The following C15orf61 variants were observed in gnomAD, a reference collection of about 807,000 sequenced individuals.
C15orf61 encodes chromosome 15 open reading frame 61.
In C15orf61, 12 loss-of-function variants were observed where a neutral mutation model predicts 13.7. The ratio of observed to expected loss-of-function variants is 0.88; its 90% CI spans 0.56 to 1.42. C15orf61 has a LOEUF of 1.42. Ranked by LOEUF, C15orf61 falls within the 40% of genes most tolerant of loss-of-function variation. C15orf61 has a pLI of 0.00. For synonymous variants in C15orf61, 92 were observed against 94.1 expected (o/e 0.98, Z 0.13); for missense variants, 248 against 213.2 (o/e 1.16, Z -1.02).
At chr15:67,522,255 A>G (rs1490447555) in intron 1 of C15orf61, 1 of 700,356 alleles carries the variant, frequency 1.4e-6, no homozygotes, top group African/African-American at 1.7e-5. Context: ...ACGAACATGG[A>G]CATGGGTGTA....
chr15:67,529,044 T>G lies in C15orf61; in HGVS notation c.*2499T>G, dbSNP rs891117759. 6.6e-6 allele frequency: 1 copy of G among 152,250 alleles called. No individual in the cohort carries two copies. The highest frequency in any genetic ancestry group is 2.4e-5 in the African/African-American group (1 of 41,462). The allele number at this position is 152,250 out of a possible 1,614,324, so 9.4% of individuals were successfully genotyped here. A position where few individuals can be genotyped will look rare whatever the true frequency, so the allele number is the denominator to read the frequency against. On this transcript the variant is annotated 3_prime_UTR_variant, in exon 2 of 2. Transcript: ENST00000342683. The surrounding 1 kb of genome is among the most constrained non-coding windows in gnomAD (Gnocchi z 4.4). ...TTCTGCATATCAGTAGTTTTCTTAA[T>G]TGGTGAAACCACTGATTAGCTTTTC...
At chr15:67,523,521 G>C (rs1414811446) in intron 1 of C15orf61, among the ~76,000 whole-genome samples, 2 of 152,108 alleles carry the variant, frequency 1.3e-5, no homozygotes, top group Non-Finnish European at 2.9e-5. Flanking sequence ...TAGGTATCCT[G>C]CTGAGAAGTA....
rs1484287611 is a variant in C15orf61, at chr15:67,526,713, C to T, written c.*168C>T. 6 of 571,198 alleles carry T rather than the reference C, an allele frequency of 1.1e-5. No homozygotes were observed. Among genetic ancestry groups the T allele is most frequent in the Admixed American group, 7.7e-5 (2 of 25,896 alleles). The allele number at this position is 571,198 out of a possible 1,614,324, so 35.4% of individuals were successfully genotyped here. ...TCAAGAGGTGAAGCTTTTTATACATCGTTATATATTACATACTCTGTTTAG... is the reference window on the plus strand; with the variant it reads ...TCAAGAGGTGAAGCTTTTTATACATTGTTATATATTACATACTCTGTTTAG... On this transcript the variant is annotated 3_prime_UTR_variant, in exon 2 of 2. Transcript: ENST00000342683.
chr15:67,523,761 A>G (rs1478127024), intron 1 of C15orf61, among the ~76,000 whole-genome samples: 1 of 152,222 alleles, frequency 6.6e-6, no homozygotes, highest in Non-Finnish European at 1.5e-5. Flanking sequence ...ATAGACTTCA[A>G]AGCATGTGTG....
chr15:67,521,737 G>C lies in C15orf61; in HGVS notation c.346+143G>C, dbSNP rs1186230315. On this transcript the variant is annotated intron_variant, in intron 1 of 1. Coordinates refer to ENST00000342683, the MANE Select transcript of C15orf61 (RefSeq NM_001143936.2). The stretch of plus-strand genomic sequence containing the variant: ...CCTCCCGGCGCCGGCTTCGCCTGGG[G>C]TCCTTTGTACTCCTCGCCCAGGGGG... 3 of 895,244 alleles carry C rather than the reference G, an allele frequency of 3.4e-6. No individual in the cohort carries two copies. In the Admixed American group the frequency reaches 8.8e-5, roughly 26 times the overall value. The allele number at this position is 895,244 out of a possible 1,614,324, so 55.5% of individuals were successfully genotyped here. A position where few individuals can be genotyped will look rare whatever the true frequency, so the allele number is the denominator to read the frequency against.
intron 1 of C15orf61, 100 bp downstream of exon 1, chr15:67,521,694 C>G: frequency 2.5e-6 from 3 of 1,200,618 alleles, no homozygotes; most frequent in Non-Finnish European, 3.4e-6. Flanking sequence ...CGGTAGAGTC[C>G]CGCGGGAGTC....
At position 67,526,632 on chromosome 15, in the gene C15orf61, T is replaced by C. The variant is rs1227956964; in HGVS notation, c.*87T>C. 5.5e-6 allele frequency: 7 copies of C among 1,281,064 alleles called. No individual in the cohort carries two copies. Among genetic ancestry groups the C allele is most frequent in the Non-Finnish European group, 7.2e-6 (7 of 976,502 alleles). 79.4% of individuals were successfully genotyped at this position (1,281,064 alleles called of 1,614,324 possible). ...TTTTTGATCCTTTAAAATAAAACTT[T>C]TGCAAATACTTTTTTCTTTCTACAG... On this transcript the variant is annotated 3_prime_UTR_variant, in exon 2 of 2. Transcript: ENST00000342683.
At chr15:67,524,837 G>GTTTTTTTTTTTTTTT (rs374398669) in intron 1 of C15orf61, among the ~76,000 whole-genome samples, 1 of 122,810 alleles carries the variant, frequency 8.1e-6, no homozygotes, top group Non-Finnish European at 1.7e-5. Context: ...TTTTTTGTTT[G>GTTTTTTTTTTTTTTT]TTTTTTTTTT....
chr15:67,522,029 T>G, intron 1 of C15orf61: 1 of 699,594 alleles, frequency 1.4e-6, no homozygotes, highest in Admixed American at 2.0e-5. Flanking sequence ...AACTACTCTT[T>G]TAAGTTTCTT....
In C15orf61 at chr15:67,527,910, C is replaced by T. The variant is rs749018067; in HGVS notation, c.*1365C>T. 1 of 152,162 alleles carries T rather than the reference C, an allele frequency of 6.6e-6. No individual in the cohort carries two copies. The highest frequency in any genetic ancestry group is 1.5e-5 in the Non-Finnish European group (1 of 68,014). 9.4% of individuals were successfully genotyped at this position (152,162 alleles called of 1,614,324 possible). On this transcript the variant is annotated 3_prime_UTR_variant, in exon 2 of 2. Transcript: ENST00000342683. ...TTAGTCCAGAAGAATATACTTGACACTAGTTAAATGAATGGCTTACACAAA... is the reference window on the plus strand; with the variant it reads ...TTAGTCCAGAAGAATATACTTGACATTAGTTAAATGAATGGCTTACACAAA...
At chr15:67,522,201 CTAGG>C (rs1224723495) in intron 1 of C15orf61, 2 of 701,644 alleles carry the variant, frequency 2.9e-6, no homozygotes, top group African/African-American at 3.5e-5. Flanking sequence ...TTTACTGTCA[CTAGG>C]TGTTTATTTT....
intron 1 of C15orf61, 27 bp downstream of exon 1, chr15:67,521,621 GGTGAA>G (rs2084163457): frequency 4.8e-6 from 7 of 1,471,424 alleles, no homozygotes; most frequent in Non-Finnish European, 6.4e-6. Context: ...GCGCCCACGC[GGTGAA>G]GCCCGCCCGG....
chr15:67,524,733 AAC>A (rs1046849385), intron 1 of C15orf61, among the ~76,000 whole-genome samples: 1 of 152,242 alleles, frequency 6.6e-6, no homozygotes, highest in African/African-American at 2.4e-5. Flanking sequence ...TGGTTCAGCA[AAC>A]ACACTCAAAA....
At chr15:67,521,618 C>A in intron 1 of C15orf61, 24 bp downstream of exon 1, 1 of 1,481,870 alleles carries the variant, frequency 6.7e-7, no homozygotes, top group Non-Finnish European at 9.1e-7. Context: ...GCCGCGCCCA[C>A]GCGGTGAAGC....
intron 1 of C15orf61, chr15:67,521,964 A>G (rs2084168614): frequency 4.3e-6 from 3 of 692,350 alleles, no homozygotes; most frequent in East Asian, 5.5e-5. Flanking sequence ...ACTGCATGGC[A>G]GGACTCATTC....
chr15:67,521,634 C>G (rs368168612), intron 1 of C15orf61, 40 bp downstream of exon 1: 363 of 1,425,810 alleles, frequency 2.5e-4, no homozygotes, highest in East Asian at 1.7e-3. Context: ...GAAGCCCGCC[C>G]GGCCGGGACG....
At position 67,526,449 on chromosome 15, in the gene C15orf61, C is replaced by G. The variant is rs1408529710; in HGVS notation, c.378C>G (p.Ser126=). 3 of 1,535,878 alleles carry G rather than the reference C, an allele frequency of 2.0e-6. No homozygotes were observed. The highest frequency in any genetic ancestry group is 2.6e-6 in the Non-Finnish European group (3 of 1,133,498). ...GIPTLLYGLG[S]WLFARVTETV... is the part of the protein sequence containing the mutation. ...CAACTTTATTATATGGACTTGGCTC[C>G]TGGTTATTTGCCAGAGTCACAGAGA... The change falls in exon 2 of 2, where the codon TCC becomes TCG. Residue 126 remains serine (S), a synonymous_variant. Coordinates refer to ENST00000342683, the MANE Select transcript of C15orf61 (RefSeq NM_001143936.2).
In C15orf61 at chr15:67,521,235, C is replaced by T. The variant is rs2084156820; in HGVS notation, c.-14C>T. ...GGCTGCGGACACCAGCCTGCGTCCC[C>T]GGCGCGGCGGGCCATGGAGGCCCTG... On this transcript the variant is annotated 5_prime_UTR_variant, in exon 1 of 2. Transcript: ENST00000342683. 2.5e-6 allele frequency: 3 copies of T among 1,222,564 alleles called. No individual in the cohort carries two copies. The East Asian group carries it at 9.6e-5, about 39-fold the overall frequency. 75.7% of individuals were successfully genotyped at this position (1,222,564 alleles called of 1,614,324 possible).
In C15orf61 at chr15:67,521,610, C is replaced by T. The variant is rs1490881704; in HGVS notation, c.346+16C>T. The T allele has an allele frequency of 1.1e-5, 16 of 1,497,564 alleles. No individual in the cohort carries two copies. The highest frequency in any genetic ancestry group is 2.8e-5 in the African/African-American group (2 of 71,852). The allele number at this position is 1,497,564 out of a possible 1,614,324, so 92.8% of individuals were successfully genotyped here. A position where few individuals can be genotyped will look rare whatever the true frequency, so the allele number is the denominator to read the frequency against. ...GTCAACCTCGGTGAGTGGCGACTGC[C>T]GCGCCCACGCGGTGAAGCCCGCCCG... On this transcript the variant is annotated intron_variant, in intron 1 of 1. Transcript: ENST00000342683.
Sources: allele counts gnomAD v4.1 joint callset (sites outside exome capture counted in the v4.1 genomes callset), GRCh38; gene constraint gnomAD v4.1.1; non-coding constraint Gnocchi (gnomAD v3.1); transcripts MANE v1.5; gene names NCBI Gene and HGNC (gene_info 2026-07-23, HGNC 2026-07-21).